The following JAZF1 variants were observed in gnomAD, a reference collection of about 807,000 sequenced individuals.
JAZF1 encodes JAZF zinc finger 1, also known as juxtaposed with another zinc finger protein 1.
Under a neutral mutation model 26.4 loss-of-function variants are expected in JAZF1, and 8 were observed. That is an observed-to-expected ratio of 0.30 (90% CI 0.18 to 0.55). JAZF1 has a LOEUF of 0.55. Ranked by LOEUF, JAZF1 falls within the 20% of genes least tolerant of loss-of-function variation. JAZF1 has a pLI of 0.94. For missense variants in JAZF1, 199 were observed against 322.0 expected (o/e 0.62, Z 2.92); for synonymous variants, 126 against 122.3 (o/e 1.03, Z -0.20).
intron 1 of JAZF1, among the ~76,000 whole-genome samples, chr7:28,170,029 T>C (rs1403657999): frequency 6.6e-6 from 1 of 152,104 alleles, no homozygotes; most frequent in Non-Finnish European, 1.5e-5. Flanking sequence ...CAGTGAGGGC[T>C]CTACACATAG....
At chr7:28,041,951 C>T (rs1365727069) in intron 1 of JAZF1, among the ~76,000 whole-genome samples, 2 of 152,172 alleles carry the variant, frequency 1.3e-5, no homozygotes, top group African/African-American at 4.8e-5. Context: ...ATCTAGATCA[C>T]CCTATGAAGT....
intron 1 of JAZF1, among the ~76,000 whole-genome samples, chr7:28,158,319 G>A (rs1354138467): frequency 2.0e-5 from 3 of 152,142 alleles, no homozygotes; most frequent in Non-Finnish European, 4.4e-5. Flanking sequence ...CCAACGTAAT[G>A]GAGGCAGTAG....
At chr7:28,067,790 A>G (rs1783908154) in intron 1 of JAZF1, among the ~76,000 whole-genome samples, 2 of 152,186 alleles carry the variant, frequency 1.3e-5, no homozygotes, top group East Asian at 1.9e-4. Context: ...AACTGTACAG[A>G]TGGGATAAAT....
intron 1 of JAZF1, among the ~76,000 whole-genome samples, chr7:28,146,590 AAC>A (rs1415091097): frequency 3.3e-5 from 5 of 152,226 alleles, no homozygotes; most frequent in Non-Finnish European, 5.9e-5. Context: ...GATCATTATC[AAC>A]AGTCTGACTG....
chr7:28,120,407 G>A (rs1304879059), intron 1 of JAZF1, among the ~76,000 whole-genome samples: 1 of 149,892 alleles, frequency 6.7e-6, no homozygotes, highest in Admixed American at 6.7e-5. Context: ...AAAAAGAAGT[G>A]AATAGAAATA....
intron 3 of JAZF1, among the ~76,000 whole-genome samples, chr7:27,862,607 C>G (rs999503417): frequency 1.3e-5 from 2 of 152,178 alleles, no homozygotes; most frequent in Non-Finnish European, 2.9e-5. Context: ...TGGAGGCTTT[C>G]TGGGATTATT....
chr7:28,074,516 CACAT>C (rs1562578349), intron 1 of JAZF1, among the ~76,000 whole-genome samples: 1 of 152,138 alleles, frequency 6.6e-6, no homozygotes, highest in Non-Finnish European at 1.5e-5. Flanking sequence ...TGTACATACA[CACAT>C]ACATACAGAG....
chr7:27,924,360 G>A (rs920435868), intron 2 of JAZF1, among the ~76,000 whole-genome samples: 17 of 152,192 alleles, frequency 1.1e-4, no homozygotes, highest in African/African-American at 4.1e-4. Flanking sequence ...ACAGGCGTGA[G>A]CCAGTGTGCC....
Position 27,898,304 on chromosome 7 carries a change from T to TATATACAC in JAZF1, c.189-2889_189-2888insGTGTATAT, listed in dbSNP as rs375859244. Among the ~76,000 whole-genome samples, 9 of 128,920 alleles carry TATATACAC rather than the reference T, an allele frequency of 7.0e-5. No individual in the cohort carries two copies. In the South Asian group the frequency reaches 7.2e-4, roughly 10 times the overall value. The allele number at this position is 128,920 out of a possible 152,430, so 84.6% of individuals were successfully genotyped here. A position where few individuals can be genotyped will look rare whatever the true frequency, so the allele number is the denominator to read the frequency against. On this transcript the variant is annotated intron_variant, in intron 2 of 4. Coordinates refer to ENST00000283928, the MANE Select transcript of JAZF1 (RefSeq NM_175061.4). ...TCTAACTCATATATATATATATATA[T>TATATACAC]ACATCGGTTTTTTTTTTTTTTTTTT...
intron 1 of JAZF1, among the ~76,000 whole-genome samples, chr7:28,149,559 TCTC>T (rs1474114370): frequency 6.6e-6 from 1 of 152,090 alleles, no homozygotes; most frequent in Non-Finnish European, 1.5e-5. Flanking sequence ...CCGGTGAACT[TCTC>T]AGTGTCAGAA....
intron 2 of JAZF1, among the ~76,000 whole-genome samples, chr7:27,950,892 G>T (rs894823857): frequency 5.9e-5 from 9 of 151,968 alleles, no homozygotes; most frequent in Admixed American, 2.6e-4. Flanking sequence ...TGAACAGATG[G>T]CTCGAACAAC....
chr7:27,950,752 T>C (rs2128354662), intron 2 of JAZF1, among the ~76,000 whole-genome samples: 1 of 152,250 alleles, frequency 6.6e-6, no homozygotes. Flanking sequence ...GCCAAGTACA[T>C]TGCCTGCATT....
At chr7:27,898,284 C>CATATATATATA (rs1784104133) in intron 2 of JAZF1, among the ~76,000 whole-genome samples, 1 of 26,766 alleles carries the variant, frequency 3.7e-5, no homozygotes, top group Non-Finnish European at 8.2e-5. Flanking sequence ...CTACGTCTAA[C>CATATATATATA]TCATATATAT....
At chr7:27,913,461 C>T (rs773539341) in intron 2 of JAZF1, 9 of 402,806 alleles carry the variant, frequency 2.2e-5, no homozygotes, top group Non-Finnish European at 3.0e-5. Context: ...TGTCTGTGGG[C>T]GGAAGAGGGT....
intron 2 of JAZF1, among the ~76,000 whole-genome samples, chr7:27,899,926 G>C (rs2128342874): frequency 6.6e-6 from 1 of 152,310 alleles, no homozygotes; most frequent in East Asian, 1.9e-4. Context: ...CAGGGAGCTG[G>C]AGCATGGGGA....
At chr7:28,101,773 A>G (rs114089421) in intron 1 of JAZF1, among the ~76,000 whole-genome samples, 126 of 152,188 alleles carry the variant, frequency 8.3e-4, no homozygotes, top group African/African-American at 3.0e-3. Flanking sequence ...ATGTAAGCCC[A>G]TTTTAAGTGT....
intron 1 of JAZF1, among the ~76,000 whole-genome samples, chr7:28,007,414 C>G (rs1022211915): frequency 1.3e-5 from 2 of 152,066 alleles, no homozygotes; most frequent in African/African-American, 4.8e-5. Context: ...ACTAAAAATA[C>G]AAAAATTAGC....
intron 3 of JAZF1, among the ~76,000 whole-genome samples, chr7:27,872,846 T>C (rs1021941513): frequency 6.6e-6 from 1 of 151,932 alleles, no homozygotes; most frequent in Non-Finnish European, 1.5e-5. Flanking sequence ...GGAATAACAA[T>C]ATCAGGAAAC....
intron 2 of JAZF1, among the ~76,000 whole-genome samples, chr7:27,980,208 C>A (rs974830660): frequency 2.0e-5 from 3 of 152,144 alleles, no homozygotes; most frequent in Admixed American, 2.0e-4. Context: ...CCCAATGCCC[C>A]ACTGTGTACT....
Sources: allele counts gnomAD v4.1 joint callset (sites outside exome capture counted in the v4.1 genomes callset), GRCh38; gene constraint gnomAD v4.1.1; transcripts MANE v1.5; gene names NCBI Gene and HGNC (gene_info 2026-07-23, HGNC 2026-07-21).